FAM227B: variants seen among roughly 807,000 people sequenced by gnomAD.
FAM227B encodes the protein protein FAM227B.
A neutral mutation model predicts 73.8 loss-of-function variants in FAM227B; 88 were observed. The observed-to-expected ratio is 1.19, with a 90% confidence interval of 1.00 to 1.42. FAM227B has a LOEUF of 1.42. Among genes scored for constraint, FAM227B ranks in the 40% most tolerant of loss-of-function variants. The probability of loss-of-function intolerance (pLI) is 0.00; values close to 1 mark genes in which losing one functional copy is unlikely to be tolerated. For synonymous variants in FAM227B, 210 were observed against 190.5 expected (o/e 1.10, Z -0.84); for missense variants, 632 against 590.9 (o/e 1.07, Z -0.72).
chr15:49,525,706 A>G (rs1182725776), intron 10 of FAM227B, among the ~76,000 whole-genome samples: 5 of 130,392 alleles, frequency 3.8e-5, no homozygotes, highest in African/African-American at 1.5e-4. Flanking sequence ...ATATATATAT[A>G]TATATATATA....
At chr15:49,382,390 A>T (rs569740145) in intron 11 of FAM227B, among the ~76,000 whole-genome samples, 1 of 152,238 alleles carries the variant, frequency 6.6e-6, no homozygotes, top group South Asian at 2.1e-4. Flanking sequence ...AGAAAAGATG[A>T]ATCATTGAAT....
At chr15:49,615,912 G>T (rs2078259567) in intron 1 of FAM227B, among the ~76,000 whole-genome samples, 1 of 152,272 alleles carries the variant, frequency 6.6e-6, no homozygotes, top group African/African-American at 2.4e-5. Flanking sequence ...ATAATGTGAA[G>T]ATTTGGAATT....
intron 11 of FAM227B, among the ~76,000 whole-genome samples, chr15:49,459,183 A>G (rs1024029037): frequency 2.0e-5 from 3 of 151,892 alleles, no homozygotes; most frequent in Admixed American, 6.6e-5. Context: ...TTCTCACACC[A>G]CATTGTAATT....
At chr15:49,548,450 T>C (rs916710919) in intron 9 of FAM227B, among the ~76,000 whole-genome samples, 1 of 152,242 alleles carries the variant, frequency 6.6e-6, no homozygotes, top group African/African-American at 2.4e-5. Flanking sequence ...TTTGCATCAA[T>C]ATCCATCAGT....
At chr15:49,561,045 T>C (rs1045216096) in intron 9 of FAM227B, among the ~76,000 whole-genome samples, 1 of 152,194 alleles carries the variant, frequency 6.6e-6, no homozygotes, top group Non-Finnish European at 1.5e-5. Context: ...ACTTTGAACG[T>C]ATATTGTCTT....
intron 11 of FAM227B, among the ~76,000 whole-genome samples, chr15:49,396,732 G>T (rs970385475): frequency 4.0e-5 from 6 of 148,640 alleles, no homozygotes; most frequent in Non-Finnish European, 9.1e-5. Flanking sequence ...CCCCAGCAGG[G>T]GCACACTGAC....
chr15:49,497,526 C>T (rs2152077200), intron 11 of FAM227B, among the ~76,000 whole-genome samples: 1 of 152,268 alleles, frequency 6.6e-6, no homozygotes, highest in East Asian at 1.9e-4. Flanking sequence ...GGGGGAGGCA[C>T]TCACTGACCA....
At chr15:49,523,579 G>A (rs987018253) in intron 10 of FAM227B, among the ~76,000 whole-genome samples, 4 of 152,148 alleles carry the variant, frequency 2.6e-5, no homozygotes, top group Admixed American at 1.3e-4. Context: ...ATTGGTACCG[G>A]TATAGTGGGG....
intron 5 of FAM227B, among the ~76,000 whole-genome samples, chr15:49,580,403 T>G (rs933515192): frequency 1.3e-5 from 2 of 152,012 alleles, no homozygotes; most frequent in Admixed American, 1.3e-4. Context: ...CATGCCCCGA[T>G]AAAACCAAGG....
intron 11 of FAM227B, among the ~76,000 whole-genome samples, chr15:49,476,494 T>C (rs2151989288): frequency 6.6e-6 from 1 of 152,116 alleles, no homozygotes; most frequent in Admixed American, 6.5e-5. Context: ...TTCCAAAGTG[T>C]GTTTTTATTA....
At chr15:49,608,429 T>C (rs1255786957) in intron 3 of FAM227B, among the ~76,000 whole-genome samples, 1 of 152,000 alleles carries the variant, frequency 6.6e-6, no homozygotes, top group Non-Finnish European at 1.5e-5. Context: ...ATTTTTTTTA[T>C]TGAATATATG....
chr15:49,511,576 C>G (rs1424757302), intron 10 of FAM227B, among the ~76,000 whole-genome samples: 1 of 152,038 alleles, frequency 6.6e-6, no homozygotes, highest in Non-Finnish European at 1.5e-5. Context: ...CTAAGCCCAG[C>G]AACCATTAGC....
chr15:49,457,072 A>G (rs955190545), intron 11 of FAM227B, among the ~76,000 whole-genome samples: 1 of 151,858 alleles, frequency 6.6e-6, no homozygotes, highest in Non-Finnish European at 1.5e-5. Flanking sequence ...CTACACCACC[A>G]TGCCTGTCAA....
chr15:49,564,598 T>A (rs558811164), intron 9 of FAM227B, among the ~76,000 whole-genome samples: 1 of 151,948 alleles, frequency 6.6e-6, no homozygotes, highest in South Asian at 2.1e-4. Flanking sequence ...TAACTATCCA[T>A]CAATGGTGAA....
intron 10 of FAM227B, among the ~76,000 whole-genome samples, chr15:49,524,322 C>T (rs1001814235): frequency 3.9e-5 from 6 of 151,928 alleles, no homozygotes; most frequent in South Asian, 2.1e-4. Flanking sequence ...AAAAGGGGCT[C>T]GAGTGGTTTG....
chr15:49,497,949 A>G (rs1239681280), intron 11 of FAM227B, among the ~76,000 whole-genome samples: 1 of 152,206 alleles, frequency 6.6e-6, no homozygotes, highest in Admixed American at 6.5e-5. Context: ...GAAACTGGAA[A>G]ACAAGTAAAT....
At chr15:49,580,753 G>T (rs573587304) in intron 5 of FAM227B, among the ~76,000 whole-genome samples, 1 of 152,232 alleles carries the variant, frequency 6.6e-6, no homozygotes, top group East Asian at 1.9e-4. Context: ...AAACAATACA[G>T]GAGCTGAAAG....
chr15:49,451,994 T>C (rs1039417844), intron 11 of FAM227B, among the ~76,000 whole-genome samples: 3 of 152,156 alleles, frequency 2.0e-5, no homozygotes, highest in African/African-American at 7.2e-5. Context: ...CTCAATATGA[T>C]ATCTTATATC....
At chr15:49,402,132 C>G (rs1180867922) in intron 11 of FAM227B, among the ~76,000 whole-genome samples, 1 of 152,136 alleles carries the variant, frequency 6.6e-6, no homozygotes, top group African/African-American at 2.4e-5. Flanking sequence ...TGACAAGTAA[C>G]ATCATCTTCA....
Sources: gnomAD v4.1 joint callset for allele counts (sites outside exome capture counted in the v4.1 genomes callset) on GRCh38, gnomAD v4.1.1 for gene constraint, MANE v1.5 for transcripts, NCBI Gene and HGNC (gene_info 2026-07-23, HGNC 2026-07-21) for gene names.